The following CROCC variants were observed in gnomAD, a reference collection of about 807,000 sequenced individuals.
The protein encoded by CROCC is rootletin.
In CROCC, 180 loss-of-function variants were observed where a neutral mutation model predicts 245.2. The observed-to-expected ratio is 0.73, with a 90% CI of 0.65 to 0.83. The LOEUF (loss-of-function observed/expected upper bound fraction) is 0.83. Among genes scored for constraint, CROCC ranks in the 40% least tolerant of loss-of-function variants. The pLI, the probability that CROCC is intolerant of heterozygous loss-of-function variation, is 0.00. For missense variants in CROCC, 2,688 were observed against 2,779.4 expected (o/e 0.97, Z 0.74); for synonymous variants, 1,205 against 1,241.6 (o/e 0.97, Z 0.62).
intron 7 of CROCC, among the ~76,000 whole-genome samples, chr1:16,930,946 ACT>A (rs1157825870): frequency 2.0e-5 from 3 of 152,286 alleles, no homozygotes; most frequent in African/African-American, 7.2e-5. Context: ...ACAAAGCAAG[ACT>A]CTGTCTCCAA....
chr1:16,942,401 G>A (rs183891816), intron 13 of CROCC, among the ~76,000 whole-genome samples: 5 of 152,402 alleles, frequency 3.3e-5, no homozygotes, highest in Admixed American at 1.3e-4. Context: ...ACCATCTAAT[G>A]AAAAGTTTGA....
In CROCC at chr1:16,946,797, C is replaced by T. The variant is rs745666217; in HGVS notation, c.2320C>T (p.Arg774Trp). The change falls in exon 17 of 37, where the codon CGG (arginine) becomes TGG (tryptophan). Residue 774 changes from arginine (R) to tryptophan (W), a missense_variant. Transcript: ENST00000375541. ...AAAGTCCGCCCTGCAGGGCCGGCAACGGCAGGCAGAGCAGGAGGCCACAGT... is the reference window on the plus strand; with the variant it reads ...AAAGTCCGCCCTGCAGGGCCGGCAATGGCAGGCAGAGCAGGAGGCCACAGT... ...EEKSALQGRQRQAEQEATVAR... is the reference protein window; with the variant it reads ...EEKSALQGRQWQAEQEATVAR... The T allele has an allele frequency of 3.0e-5, 47 of 1,552,064 alleles. No individual in the cohort carries two copies. The highest frequency in any genetic ancestry group is 7.3e-5 in the East Asian group (3 of 41,062).
At chr1:16,949,925 A>C (rs2076131044) in intron 19 of CROCC, among the ~76,000 whole-genome samples, 2 of 151,700 alleles carry the variant, frequency 1.3e-5, no homozygotes, top group East Asian at 3.9e-4. Flanking sequence ...ATGCATCACC[A>C]TGCCTGGCTA....
At chr1:16,950,927 C>T (rs1221298824) in intron 19 of CROCC, 26 bp from the exon 20 acceptor site, 2 of 1,494,568 alleles carry the variant, frequency 1.3e-6, no homozygotes, top group Non-Finnish European at 1.8e-6. Flanking sequence ...CCCAACCCTG[C>T]CCTTTCCCCC....
Position 16,944,128 on chromosome 1 carries a change from C to T in CROCC, c.1837C>T (p.Gln613Ter). Residue 613 changes from glutamine (Q) to a stop codon, truncating the protein, a stop_gained, in exon 14 of 37, where the codon CAG becomes TAG. Coordinates refer to ENST00000375541, the MANE Select transcript of CROCC (RefSeq NM_014675.5). LOFTEE classifies it high-confidence loss of function. Reference sequence around the variant, plus strand: ...GAAGAGCAACCTGGCCCACAGCCTGCAGGTGGCCCAGCAGCAGGCCGAGGA... The same window carrying T: ...GAAGAGCAACCTGGCCCACAGCCTGTAGGTGGCCCAGCAGCAGGCCGAGGA... ...REKSNLAHSL[Q>*]VAQQQAEELR... is the part of the protein sequence containing the mutation. 2 of 1,559,096 alleles carry T rather than the reference C, an allele frequency of 1.3e-6. No homozygotes were observed. Among genetic ancestry groups the T allele is most frequent in the Non-Finnish European group, 1.7e-6 (2 of 1,151,138 alleles).
chr1:16,948,596 A>C, intron 18 of CROCC, 72 bp downstream of exon 18: 8 of 1,473,272 alleles, frequency 5.4e-6, no homozygotes, highest in Non-Finnish European at 7.2e-6. Flanking sequence ...AGCCACACGC[A>C]GGCACGGGCC....
At chr1:16,931,447 T>G (rs772165780) in intron 8 of CROCC, 50 bp downstream of exon 8, 13 of 1,500,310 alleles carry the variant, frequency 8.7e-6, no homozygotes, top group Non-Finnish European at 1.2e-5. Flanking sequence ...GCCCTGCTCT[T>G]TATGTCCAAC....
At chr1:16,921,694 C>T (rs115879516), upstream of CROCC, among the ~76,000 whole-genome samples, 6,107 of 150,800 alleles carry the variant, frequency 0.04, no homozygotes, top group Middle Eastern at 0.055. Context: ...GAGGTCCTGA[C>T]CTCCAGGTGT....
At chr1:16,927,764 T>C (rs535620354) in intron 3 of CROCC, among the ~76,000 whole-genome samples, 224 of 152,328 alleles carry the variant, frequency 1.5e-3, no homozygotes, top group African/African-American at 5.0e-3. Flanking sequence ...CCGCTCACCA[T>C]TGACCTCAGT....
intron 15 of CROCC, 69 bp from the exon 16 acceptor site, chr1:16,946,190 C>G: frequency 6.5e-7 from 1 of 1,543,084 alleles, no homozygotes; most frequent in East Asian, 2.3e-5. Context: ...CTCTGGGTCT[C>G]TTCTTGGGCC....
rs147247191 is a variant in CROCC at position 16,928,784 on chromosome 1, C to T, written c.352-1062C>T. ...AGCCATTGCACTCCAGCCCAGGAGA[C>T]AGTGCAAGACTCTGTCTCAAAAAAA... On this transcript the variant is annotated intron_variant, in intron 3 of 36. Coordinates refer to ENST00000375541, the MANE Select transcript of CROCC (RefSeq NM_014675.5). 4.7e-3 allele frequency among the ~76,000 whole-genome samples: 705 copies of T among 151,604 alleles called. 1 individual carries two copies. Among genetic ancestry groups the T allele is most frequent in the African/African-American group, 0.016 (669 of 41,362 alleles).
chr1:16,932,826 G>A (rs536215442), intron 8 of CROCC, among the ~76,000 whole-genome samples: 16 of 152,280 alleles, frequency 1.1e-4, no homozygotes, highest in Non-Finnish European at 1.8e-4. Context: ...GGAGGCCAAG[G>A]TATTTCATTT....
intron 16 of CROCC, 72 bp downstream of exon 16, chr1:16,946,477 C>T (rs2076049516): frequency 6.4e-7 from 1 of 1,556,700 alleles, no homozygotes; most frequent in Non-Finnish European, 8.7e-7. Context: ...ACCCCGGGCC[C>T]AGCCCTGTAC....
rs776041625 is a variant in CROCC, at chr1:16,936,824, G to T, written c.1144G>T (p.Ala382Ser). Residue 382 changes from alanine (A) to serine (S), a missense_variant, in exon 9 of 37, where the codon GCG becomes TCG. This residue lies in a region of CROCC where 972 missense variants were observed against 895.3 expected (regional missense o/e 1.09). Coordinates refer to ENST00000375541, the MANE Select transcript of CROCC (RefSeq NM_014675.5). ...CAAGGTGCTCCGCGAGAAGGACCTG[G>T]CGCAGCAGCAGATGCAAAGCGACCT... is the stretch of plus-strand genomic sequence containing the variant. The part of the protein sequence containing the change: ...RDKVLREKDL[A>S]QQQMQSDLDK... 8 of 1,612,198 alleles carry T rather than the reference G, an allele frequency of 5.0e-6. No homozygotes were observed. In the African/African-American group the frequency reaches 5.3e-5, roughly 11 times the overall value.
rs566772093 is a variant in CROCC at position 16,928,208 on chromosome 1, T to C, written c.352-1638T>C. On this transcript the variant is annotated intron_variant, in intron 3 of 36. Transcript: ENST00000375541. ...AGGATGCAGATGGTGAGTGCAGGGC[T>C]AGCATCAGAGTAAGCTGGGCTGGGG... Among the ~76,000 whole-genome samples, 4 of 152,398 alleles carry C rather than the reference T, an allele frequency of 2.6e-5. No homozygotes were observed. The East Asian group carries it at 7.7e-4, about 29-fold the overall frequency.
rs1036608962 is a variant in CROCC, at chr1:16,971,588, C to T, written c.5908C>T (p.Arg1970Cys). ...GCGCAGCGCCCAGGCGCAGACTGAGCGCACCCTGGAGGCTCGGGAGCGGGC... is the reference window on the plus strand; with the variant it reads ...GCGCAGCGCCCAGGCGCAGACTGAGTGCACCCTGGAGGCTCGGGAGCGGGC... ...RLRSAQAQTERTLEARERAHR... is the reference protein window; with the variant it reads ...RLRSAQAQTECTLEARERAHR... The change falls in exon 36 of 37, where the codon CGC becomes TGC. Residue 1970 changes from arginine to cysteine, a missense_variant. Coordinates refer to ENST00000375541, the MANE Select transcript of CROCC (RefSeq NM_014675.5). 3.9e-6 allele frequency: 6 copies of T among 1,529,040 alleles called. No individual in the cohort carries two copies. The highest frequency in any genetic ancestry group is 2.5e-5 in the East Asian group (1 of 40,508). The allele number at this position is 1,529,040 out of a possible 1,614,324, so 94.7% of individuals were successfully genotyped here.
intron 13 of CROCC, 77 bp downstream of exon 13, chr1:16,940,170 G>A: frequency 2.1e-6 from 3 of 1,434,578 alleles, no homozygotes; most frequent in Admixed American, 2.0e-5. Flanking sequence ...AGCCTTATGC[G>A]TATGGCTCTG....
At chr1:16,915,909 T>C (rs2075297894) in intron 1 of CROCC, among the ~76,000 whole-genome samples, 1 of 152,212 alleles carries the variant, frequency 6.6e-6, no homozygotes, top group Admixed American at 6.5e-5. Flanking sequence ...CCAGGTGTGG[T>C]GGCTCATGCC....
intron 3 of CROCC, among the ~76,000 whole-genome samples, chr1:16,928,422 G>A (rs1215873655): frequency 3.9e-5 from 6 of 152,362 alleles, no homozygotes; most frequent in South Asian, 2.1e-4. Flanking sequence ...GAGGATGTGC[G>A]GGATGGAAGC....
Sources: gnomAD v4.1 joint callset for allele counts (sites outside exome capture counted in the v4.1 genomes callset) on GRCh38, gnomAD v4.1.1 for gene constraint, gnomAD v4.1.1 regional missense constraint, MANE v1.5 for transcripts, NCBI Gene and HGNC (gene_info 2026-07-23, HGNC 2026-07-21) for gene names.